The following ZNF157 variants were observed in gnomAD, a reference collection of about 807,000 sequenced individuals.
The protein encoded by ZNF157 is zinc finger protein 157.
A neutral mutation model predicts 9.4 loss-of-function variants in ZNF157; 8 were observed. The ratio of observed to expected loss-of-function variants is 0.85; its 90% CI spans 0.50 to 1.53. The LOEUF (loss-of-function observed/expected upper bound fraction) is 1.53, where lower values mean the gene tolerates loss of function less well. Among genes scored for constraint, ZNF157 ranks in the 40% most tolerant of loss-of-function variants. ZNF157 has a pLI of 0.00. For missense variants in ZNF157, 316 were observed against 385.2 expected (o/e 0.82, Z 1.50); for synonymous variants, 120 against 130.8 (o/e 0.92, Z 0.56).
intron 1 of ZNF157, chrX:47,391,025 C>T (rs1167877084): frequency 1.8e-5 from 2 of 111,653 alleles, no homozygotes; most frequent in African/African-American, 6.5e-5. Flanking sequence ...TTCCACTTAC[C>T]TTTTCAAGTA....
chrX:47,389,499 C>T (rs778310846), intron 1 of ZNF157, among the ~76,000 whole-genome samples: 28 of 111,525 alleles, frequency 2.5e-4, no homozygotes, highest in Non-Finnish European at 4.7e-4. Flanking sequence ...TACAGGCGCA[C>T]GTCGCCATGC....
chrX:47,407,032 C>T (rs1006050002), intron 1 of ZNF157, among the ~76,000 whole-genome samples: 1 of 111,949 alleles, frequency 8.9e-6, no homozygotes, highest in Non-Finnish European at 1.9e-5. Flanking sequence ...TCTATTCCTA[C>T]TTTGATGAGA....
At chrX:47,391,921 G>T (rs965426806) in intron 1 of ZNF157, among the ~76,000 whole-genome samples, 5 of 100,138 alleles carry the variant, frequency 5.0e-5, no homozygotes, top group African/African-American at 1.5e-4. Context: ...AGGGAGTCTC[G>T]CTCTGTCGCC....
intron 1 of ZNF157, among the ~76,000 whole-genome samples, chrX:47,379,242 C>T (rs745838173): frequency 9.1e-6 from 1 of 109,584 alleles, no homozygotes; most frequent in Non-Finnish European, 1.9e-5. Flanking sequence ...ATCCACCCAC[C>T]TCAGCCTCCT....
rs1453796427 is a variant in ZNF157 at position 47,373,724 on chromosome X, A to G, written c.72+2984A>G. Among the ~76,000 whole-genome samples the G allele has an allele frequency of 3.1e-5, 3 of 95,639 alleles. No individual in the cohort carries two copies. In the South Asian group the frequency reaches 1.4e-3, roughly 45 times the overall value. The allele number at this position is 95,639 out of a possible 115,157, so 83.1% of individuals were successfully genotyped here. A position where few individuals can be genotyped will look rare whatever the true frequency, so the allele number is the denominator to read the frequency against. On this transcript the variant is annotated intron_variant, in intron 1 of 3. Transcript: ENST00000377073. ...CCCTGAGTTTTTTTTTTTTTTTTTT[A>G]AATGCAGGGTCTCTCTGTCGCCCAG...
chrX:47,399,791 C>T (rs1602770226), intron 1 of ZNF157, among the ~76,000 whole-genome samples: 6 of 110,952 alleles, frequency 5.4e-5, no homozygotes. Context: ...GCAATCCTCC[C>T]ACTTCAGCCT....
At chrX:47,376,270 A>G (rs1170399239) in intron 1 of ZNF157, among the ~76,000 whole-genome samples, 2 of 112,317 alleles carry the variant, frequency 1.8e-5, no homozygotes, top group Non-Finnish European at 3.8e-5. Flanking sequence ...TCAATTGGCT[A>G]AATAACTAGG....
Position 47,412,681 on chromosome X carries a change from C to G in ZNF157, c.608C>G (p.Ser203Ter). 8.3e-7 allele frequency: 1 copy of G among 1,211,841 alleles called. No homozygotes were observed. Among genetic ancestry groups the G allele is most frequent in the Non-Finnish European group, 1.1e-6 (1 of 895,539 alleles). ...TGTGCAAAAACCTTCAGTGCAAGAT[C>G]ATACCTCATTGCTCATCAGAAAACT... Reference protein sequence around the residue: ...GECAKTFSARSYLIAHQKTHT... With the variant: ...GECAKTFSAR The change falls in exon 4 of 4, where the codon TCA (serine) becomes TGA (stop). Residue 203 changes from serine to a stop codon, truncating the protein, a stop_gained. Coordinates refer to ENST00000377073, the MANE Select transcript of ZNF157 (RefSeq NM_003446.4). LOFTEE classifies it low-confidence loss of function (END_TRUNC).
intron 1 of ZNF157, among the ~76,000 whole-genome samples, chrX:47,405,640 C>T (rs2055944816): frequency 9.0e-6 from 1 of 110,996 alleles, no homozygotes; most frequent in African/African-American, 3.3e-5. Context: ...CTGGGCTTTG[C>T]TTTATGAGGC....
intron 1 of ZNF157, among the ~76,000 whole-genome samples, chrX:47,389,255 G>A (rs1287880553): frequency 9.2e-6 from 1 of 109,192 alleles, no homozygotes; most frequent in Non-Finnish European, 1.9e-5. Flanking sequence ...CGCCCAGGCT[G>A]GAGTGCAATG....
chrX:47,406,521 G>A (rs1371717693), intron 1 of ZNF157, among the ~76,000 whole-genome samples: 2 of 110,556 alleles, frequency 1.8e-5, no homozygotes, highest in Admixed American at 9.8e-5. Context: ...TTACAGGCAC[G>A]CACCACTACA....
intron 1 of ZNF157, among the ~76,000 whole-genome samples, chrX:47,375,395 AC>A (rs201896320): frequency 1.6e-4 from 17 of 106,420 alleles, no homozygotes; most frequent in South Asian, 4.1e-4. Flanking sequence ...CACCTCCTCA[AC>A]CCCCCCCACA....
intron 1 of ZNF157, among the ~76,000 whole-genome samples, chrX:47,406,306 CATTTT>C (rs1265826221): frequency 1.8e-5 from 2 of 110,102 alleles, no homozygotes; most frequent in Non-Finnish European, 3.8e-5. Context: ...TCAATTCTCT[CATTTT>C]ATTTTATGTT....
intron 1 of ZNF157, among the ~76,000 whole-genome samples, chrX:47,401,894 C>A (rs769719057): frequency 5.5e-5 from 6 of 110,040 alleles, no homozygotes; most frequent in Non-Finnish European, 1.1e-4. Flanking sequence ...TGTGTGCCAT[C>A]ACACCCACTA....
chrX:47,386,250 C>T (rs2055879136), intron 1 of ZNF157, among the ~76,000 whole-genome samples: 1 of 110,733 alleles, frequency 9.0e-6, no homozygotes, highest in Admixed American at 9.8e-5. Flanking sequence ...ATGGTAACAC[C>T]TTCCAGAACA....
At chrX:47,400,324 T>C (rs1210210819) in intron 1 of ZNF157, among the ~76,000 whole-genome samples, 1 of 110,042 alleles carries the variant, frequency 9.1e-6, no homozygotes, top group African/African-American at 3.3e-5. Flanking sequence ...TCTATCTCTC[T>C]TATTATTATT....
At chrX:47,378,658 G>C (rs1387878302) in intron 1 of ZNF157, among the ~76,000 whole-genome samples, 1 of 111,501 alleles carries the variant, frequency 9.0e-6, no homozygotes, top group Non-Finnish European at 1.9e-5. Context: ...GGCCAACATG[G>C]TGAAACCTCG....
chrX:47,371,843 G>A (rs1315558392), intron 1 of ZNF157, among the ~76,000 whole-genome samples: 1 of 111,410 alleles, frequency 9.0e-6, no homozygotes, highest in Admixed American at 9.6e-5. Flanking sequence ...TCCTGACCTC[G>A]TGATCCACCT....
chrX:47,406,434 C>T (rs1214615618), intron 1 of ZNF157, among the ~76,000 whole-genome samples: 3 of 110,196 alleles, frequency 2.7e-5, no homozygotes, highest in Non-Finnish European at 3.8e-5. Context: ...AGTGCAGTGG[C>T]GAGATCTTGG....
Sources: gnomAD v4.1 joint callset for allele counts (sites outside exome capture counted in the v4.1 genomes callset) on GRCh38, gnomAD v4.1.1 for gene constraint, MANE v1.5 for transcripts, NCBI Gene and HGNC (gene_info 2026-07-23, HGNC 2026-07-21) for gene names.